The following KCNMA1 variants were observed in gnomAD, a reference collection of about 807,000 sequenced individuals.
KCNMA1 encodes the protein Calcium-activated potassium channel subunit alpha-1.
KCNMA1 carries 29 observed loss-of-function variants against 140.0 expected under a neutral mutation model. That is an observed-to-expected ratio of 0.21 (90% confidence interval 0.15 to 0.28). The LOEUF is 0.28. KCNMA1 is among the 10% of genes least tolerant of loss of function. The pLI is 1.00. For missense variants in KCNMA1, 880 were observed against 1,602.2 expected (o/e 0.55, Z 7.70); for synonymous variants, 612 against 611.9 (o/e 1.00, Z 0.00).
intron 1 of KCNMA1, among the ~76,000 whole-genome samples, chr10:77,513,291 G>A (rs1200921326): frequency 1.3e-5 from 2 of 152,188 alleles, no homozygotes; most frequent in Admixed American, 6.5e-5. Context: ...GGCTTCCTCT[G>A]AGTTCAAATG....
intron 9 of KCNMA1, among the ~76,000 whole-genome samples, chr10:77,096,212 G>C (rs1000268111): frequency 6.6e-6 from 1 of 152,158 alleles, no homozygotes; most frequent in African/African-American, 2.4e-5. Context: ...TGGTGCCAGG[G>C]AGGATAACCT....
chr10:77,503,954 G>C (rs1005014630), intron 1 of KCNMA1, among the ~76,000 whole-genome samples: 1 of 152,152 alleles, frequency 6.6e-6, no homozygotes, highest in Non-Finnish European at 1.5e-5. Context: ...GGGAACATGT[G>C]ACATGTCCAA....
chr10:77,479,258 A>G (rs796421484), intron 1 of KCNMA1, among the ~76,000 whole-genome samples: 3 of 152,346 alleles, frequency 2.0e-5, no homozygotes, highest in African/African-American at 7.2e-5. Context: ...AAAGAAGCTG[A>G]TGAAACAAAG....
At chr10:76,915,357 GC>G (rs1310925891) in intron 23 of KCNMA1, among the ~76,000 whole-genome samples, 1 of 152,006 alleles carries the variant, frequency 6.6e-6, no homozygotes, top group Admixed American at 6.6e-5. Flanking sequence ...TATCCCCTGT[GC>G]CCCCTTGAAG....
At chr10:77,031,207 T>C (rs1280015609) in intron 15 of KCNMA1, among the ~76,000 whole-genome samples, 1 of 152,238 alleles carries the variant, frequency 6.6e-6, no homozygotes, top group Non-Finnish European at 1.5e-5. Context: ...ACATTCTGTT[T>C]GGTAAGTACA....
intron 8 of KCNMA1, 101 bp downstream of exon 8, chr10:77,110,072 T>A: frequency 9.8e-7 from 1 of 1,020,152 alleles, no homozygotes; most frequent in Non-Finnish European, 1.5e-6. Flanking sequence ...GGCTTGCTTC[T>A]AGTGCAGAAT....
At chr10:77,452,545 C>T (rs16934807) in intron 1 of KCNMA1, among the ~76,000 whole-genome samples, 6 of 152,006 alleles carry the variant, frequency 3.9e-5, no homozygotes, top group South Asian at 2.1e-4. Context: ...TTTATAAATG[C>T]GCAAAAAAAG....
chr10:77,134,997 C>CAA lies in KCNMA1; in HGVS notation c.809-13951_809-13950dup, dbSNP rs71028253. Among the ~76,000 whole-genome samples, 42 of 11,762 alleles carry CAA rather than the reference C, an allele frequency of 3.6e-3. 5 individuals are homozygous for CAA. The highest frequency in any genetic ancestry group is 8.8e-3 in the South Asian group (1 of 114). 7.7% of individuals were successfully genotyped at this position (11,762 alleles called of 152,430 possible). A position where few individuals can be genotyped will look rare whatever the true frequency, so the allele number is the denominator to read the frequency against. ...TGGGAGACAGAGCAAGACTCTGTCTCAAAAAAAAAAAAAAAAAAAAAAAAA... is the reference window on the plus strand; with the variant it reads ...TGGGAGACAGAGCAAGACTCTGTCTCAAAAAAAAAAAAAAAAAAAAAAAAAAA... On this transcript the variant is annotated intron_variant, in intron 5 of 27. Transcript: ENST00000286628.
At chr10:77,088,348 G>C (rs1341361913) in intron 10 of KCNMA1, among the ~76,000 whole-genome samples, 1 of 152,188 alleles carries the variant, frequency 6.6e-6, no homozygotes, top group Non-Finnish European at 1.5e-5. Context: ...TAATTAACTG[G>C]GCCATCTACT....
intron 15 of KCNMA1, among the ~76,000 whole-genome samples, chr10:77,036,365 C>A (rs1000990648): frequency 6.6e-6 from 1 of 152,186 alleles, no homozygotes; most frequent in Non-Finnish European, 1.5e-5. Context: ...CAAATTTCAC[C>A]CCTACATCCT....
intron 3 of KCNMA1, among the ~76,000 whole-genome samples, chr10:77,245,857 T>C (rs2058435383): frequency 6.6e-6 from 1 of 152,162 alleles, no homozygotes; most frequent in South Asian, 2.1e-4. Context: ...CATTTGATCC[T>C]ATCTCATTGC....
At chr10:77,170,317 A>T (rs2098690137) in intron 5 of KCNMA1, among the ~76,000 whole-genome samples, 2 of 152,238 alleles carry the variant, frequency 1.3e-5, no homozygotes, top group African/African-American at 4.8e-5. Context: ...TGCAAGTGAG[A>T]TGACTGGGAA....
chr10:77,450,250 T>C (rs2097611402), intron 1 of KCNMA1, among the ~76,000 whole-genome samples: 1 of 135,030 alleles, frequency 7.4e-6, no homozygotes, highest in Admixed American at 6.9e-5. Context: ...GAGATGGGGT[T>C]TTGCCATGTT....
intron 20 of KCNMA1, among the ~76,000 whole-genome samples, chr10:76,969,287 A>AAGGAAGGAGGGAAGGAAGGAAGGG (rs2075187851): frequency 9.1e-6 from 1 of 110,152 alleles, no homozygotes; most frequent in African/African-American, 3.8e-5. Context: ...GGAAGAAGGG[A>AAGGAAGGAGGGAAGGAAGGAAGGG]AGGAAGGAAG....
At position 77,423,929 on chromosome 10, in the gene KCNMA1, T is replaced by C. The variant is rs879841141; in HGVS notation, c.379-19906A>G. Among the ~76,000 whole-genome samples the C allele has an allele frequency of 3.6e-4, 55 of 152,298 alleles. 1 individual carries two copies. The highest frequency in any genetic ancestry group is 6.5e-4 in the Admixed American group (10 of 15,294). On this transcript the variant is annotated intron_variant, in intron 1 of 27. Coordinates refer to ENST00000286628, the MANE Select transcript of KCNMA1 (RefSeq NM_001161352.2). ...TAATTTCAAATGTCCAGTCCATCCA[T>C]GAACAATATGTTAGCCTTTGGCCAG...
At chr10:77,265,911 T>A (rs2063296743) in intron 2 of KCNMA1, among the ~76,000 whole-genome samples, 1 of 152,062 alleles carries the variant, frequency 6.6e-6, no homozygotes, top group Admixed American at 6.6e-5. Flanking sequence ...TGAAATCCCA[T>A]TTCTATAAAA....
At chr10:77,324,779 C>A (rs1232188897) in intron 2 of KCNMA1, among the ~76,000 whole-genome samples, 3 of 152,096 alleles carry the variant, frequency 2.0e-5, no homozygotes, top group African/African-American at 7.2e-5. Context: ...CAAGTGGGTT[C>A]TGTTGGTAGC....
intron 1 of KCNMA1, among the ~76,000 whole-genome samples, chr10:77,600,482 C>T (rs1364240233): frequency 6.6e-6 from 1 of 152,194 alleles, no homozygotes; most frequent in Non-Finnish European, 1.5e-5. Flanking sequence ...GGCACAGTGG[C>T]TTATGCCTAT....
rs117721672 is a variant in KCNMA1 at position 77,393,382 on chromosome 10, C to G, written c.540+10480G>C. Among the ~76,000 whole-genome samples, 726 of 152,298 alleles carry G rather than the reference C, an allele frequency of 4.8e-3. 1 individual carries two copies. The highest frequency in any genetic ancestry group is 6.2e-3 in the Non-Finnish European group (423 of 68,022). On this transcript the variant is annotated intron_variant, in intron 2 of 27. Transcript: ENST00000286628. Reference sequence around the variant, plus strand: ...ATGACATGGTGACCGGGCTCACACACACAATAACAAAAATAATAATAACCA... The same window carrying G: ...ATGACATGGTGACCGGGCTCACACAGACAATAACAAAAATAATAATAACCA...
Sources: gnomAD v4.1 joint callset for allele counts (sites outside exome capture counted in the v4.1 genomes callset) on GRCh38, gnomAD v4.1.1 for gene constraint, MANE v1.5 for transcripts, NCBI Gene and HGNC (gene_info 2026-07-23, HGNC 2026-07-21) for gene names.